ARHGAP25: variants seen among roughly 807,000 people sequenced by gnomAD.
ARHGAP25 encodes Rho GTPase activating protein 25.
ARHGAP25 carries 34 observed loss-of-function variants against 71.0 expected under a neutral mutation model. The ratio of observed to expected loss-of-function variants is 0.48; its 90% confidence interval spans 0.36 to 0.64. The LOEUF is 0.64. Among genes scored for constraint, ARHGAP25 ranks in the 30% least tolerant of loss-of-function variants. The pLI, the probability that ARHGAP25 is intolerant of heterozygous loss-of-function variation, is 0.00. For synonymous variants in ARHGAP25, 282 were observed against 296.5 expected, an observed-to-expected ratio of 0.95 and a Z score of 0.50; for missense variants, 706 against 805.1, an observed-to-expected ratio of 0.88 and a Z score of 1.49.
chr2:68,753,056 C>G (rs529893483), intron 1 of ARHGAP25, among the ~76,000 whole-genome samples: 1 of 147,710 alleles, frequency 6.8e-6, no homozygotes, highest in Non-Finnish European at 1.5e-5. Flanking sequence ...CTAGACATAG[C>G]AAAATGTCCA....
intron 2 of ARHGAP25, 153 bp downstream of exon 2, chr2:68,775,573 G>C: frequency 1.7e-6 from 2 of 1,201,160 alleles, no homozygotes; most frequent in Non-Finnish European, 1.2e-6. Flanking sequence ...CCATTTTCTA[G>C]ATACATAAAC....
At chr2:68,731,806 G>C (rs944540011), upstream of ARHGAP25, among the ~76,000 whole-genome samples, 2 of 150,392 alleles carry the variant, frequency 1.3e-5, no homozygotes, top group African/African-American at 4.9e-5. Context: ...TAGGCCCCTC[G>C]CATATACACC....
At chr2:68,798,410 C>A (rs907405044) in intron 4 of ARHGAP25, among the ~76,000 whole-genome samples, 7 of 151,872 alleles carry the variant, frequency 4.6e-5, no homozygotes, top group Non-Finnish European at 8.8e-5. Context: ...CAGACAGATA[C>A]TTATTTATTC....
At chr2:68,722,390 C>T (rs751266477) in intron 2 of ARHGAP25, among the ~76,000 whole-genome samples, 3 of 152,104 alleles carry the variant, frequency 2.0e-5, no homozygotes, top group Admixed American at 6.5e-5. Context: ...CCAGCCTGGC[C>T]AACATGTTAA....
At chr2:68,816,141 T>G in intron 6 of ARHGAP25, 148 bp from the exon 7 acceptor site, 1 of 725,316 alleles carries the variant, frequency 1.4e-6, no homozygotes. Flanking sequence ...CCTTTTTTTT[T>G]TTAAACCCAC....
chr2:68,797,485 C>T (rs2104421658), intron 4 of ARHGAP25, among the ~76,000 whole-genome samples: 1 of 152,330 alleles, frequency 6.6e-6, no homozygotes, highest in South Asian at 2.1e-4. Flanking sequence ...AGATGCCATT[C>T]AGCTTAAGGC....
intron 1 of ARHGAP25, among the ~76,000 whole-genome samples, chr2:68,740,699 T>C (rs545232214): frequency 2.0e-5 from 3 of 152,346 alleles, no homozygotes; most frequent in Non-Finnish European, 4.4e-5. Flanking sequence ...GACTTCCTTT[T>C]AGATAAGAGC....
chr2:68,739,323 G>T (rs572619228), intron 1 of ARHGAP25, among the ~76,000 whole-genome samples: 1 of 152,302 alleles, frequency 6.6e-6, no homozygotes, highest in South Asian at 2.1e-4. Flanking sequence ...TGGCCCTGGC[G>T]TGGGTATACA....
chr2:68,807,599 C>A, intron 5 of ARHGAP25, 119 bp downstream of exon 5: 1 of 1,013,312 alleles, frequency 9.9e-7, no homozygotes, highest in Non-Finnish European at 1.5e-6. Context: ...AGAGCCCTGG[C>A]TTACAACAGA....
chr2:68,817,792 C>T (rs1047896883), intron 7 of ARHGAP25, 81 bp from the exon 8 acceptor site: 2 of 1,532,170 alleles, frequency 1.3e-6, no homozygotes, highest in Admixed American at 3.4e-5. Context: ...GGATCCATCC[C>T]TGAGTTCTCA....
chr2:68,723,324 A>G (rs565391346), intron 2 of ARHGAP25, among the ~76,000 whole-genome samples: 1 of 152,340 alleles, frequency 6.6e-6, no homozygotes, highest in Admixed American at 6.5e-5. Context: ...GGGAGCCTAT[A>G]AAGTTAGCCT....
upstream of ARHGAP25, among the ~76,000 whole-genome samples, chr2:68,731,680 T>C (rs548615011): frequency 6.6e-6 from 1 of 152,282 alleles, no homozygotes; most frequent in South Asian, 2.1e-4. Context: ...TCATTCATAT[T>C]GTTGGTTTTG....
At chr2:68,745,529 C>A (rs540754256) in intron 1 of ARHGAP25, among the ~76,000 whole-genome samples, 34 of 152,284 alleles carry the variant, frequency 2.2e-4, no homozygotes, top group African/African-American at 7.7e-4. Flanking sequence ...CTCATCATAA[C>A]CCCTAACCCT....
upstream of ARHGAP25, among the ~76,000 whole-genome samples, chr2:68,734,440 T>C (rs761439400): frequency 6.6e-6 from 1 of 152,156 alleles, no homozygotes; most frequent in Non-Finnish European, 1.5e-5. Flanking sequence ...CTTGCAAACT[T>C]TATCCTGAGC....
At chr2:68,789,852 C>T (rs988591332) in intron 4 of ARHGAP25, among the ~76,000 whole-genome samples, 1 of 152,150 alleles carries the variant, frequency 6.6e-6, no homozygotes. Flanking sequence ...CACCGCACCC[C>T]GAGACCACCA....
At chr2:68,762,411 T>C (rs1676881551) in intron 1 of ARHGAP25, among the ~76,000 whole-genome samples, 1 of 152,140 alleles carries the variant, frequency 6.6e-6, no homozygotes, top group Admixed American at 6.5e-5. Flanking sequence ...TAAAAATAAT[T>C]GGGAAAAAAT....
chr2:68,761,194 A>C (rs937333507), intron 1 of ARHGAP25, among the ~76,000 whole-genome samples: 2 of 152,072 alleles, frequency 1.3e-5, no homozygotes, highest in Admixed American at 6.5e-5. Context: ...CATGCAAAAT[A>C]ATAAAGTTAG....
chr2:68,765,603 A>G (rs1256267270), intron 1 of ARHGAP25, among the ~76,000 whole-genome samples: 1 of 152,150 alleles, frequency 6.6e-6, no homozygotes, highest in Non-Finnish European at 1.5e-5. Flanking sequence ...CATTTTCCCC[A>G]TGCTTAAGTA....
At chr2:68,728,033 T>C (rs1674924922) in intron 2 of ARHGAP25, among the ~76,000 whole-genome samples, 1 of 152,194 alleles carries the variant, frequency 6.6e-6, no homozygotes, top group Non-Finnish European at 1.5e-5. Context: ...CTGAGTACAA[T>C]GTACATCAGA....
Sources: gnomAD v4.1 joint callset for allele counts (sites outside exome capture counted in the v4.1 genomes callset) on GRCh38, gnomAD v4.1.1 for gene constraint, MANE v1.5 for transcripts, NCBI Gene and HGNC (gene_info 2026-07-23, HGNC 2026-07-21) for gene names.